KCNJ16: variants seen among roughly 807,000 people sequenced by gnomAD.
KCNJ16 encodes potassium inwardly rectifying channel subfamily J member 16, also known as inward rectifier potassium channel 16.
In KCNJ16, 15 loss-of-function variants were observed where a neutral mutation model predicts 18.5. That is an observed-to-expected ratio of 0.81 (90% CI 0.54 to 1.25). KCNJ16 has a LOEUF of 1.25. Among genes scored for constraint, KCNJ16 ranks in the 50% most tolerant of loss-of-function variants. The probability of loss-of-function intolerance (pLI) is 0.00; values close to 1 mark genes in which losing one functional copy is unlikely to be tolerated. For synonymous variants in KCNJ16, 174 were observed against 186.5 expected, an observed-to-expected ratio of 0.93 and a Z score of 0.55; for missense variants, 523 against 525.7, an observed-to-expected ratio of 0.99 and a Z score of 0.05.
intron 1 of KCNJ16, among the ~76,000 whole-genome samples, chr17:70,095,870 C>CTTTT (rs147216245): frequency 1.0e-5 from 1 of 95,388 alleles, no homozygotes; most frequent in Non-Finnish European, 2.0e-5. Context: ...TTACTTAATC[C>CTTTT]TTTTTTTTTT....
intron 1 of KCNJ16, among the ~76,000 whole-genome samples, chr17:70,098,066 T>C (rs1012051286): frequency 6.6e-6 from 1 of 152,204 alleles, no homozygotes; most frequent in Non-Finnish European, 1.5e-5. Context: ...AATTACCAGA[T>C]GCTGCTTACC....
chr17:70,083,223 G>C (rs907775793), intron 1 of KCNJ16, among the ~76,000 whole-genome samples: 3 of 148,382 alleles, frequency 2.0e-5, no homozygotes, highest in African/African-American at 7.4e-5. Flanking sequence ...AATATGTAAA[G>C]AGATATATAT....
At chr17:70,090,433 G>A (rs2072031392) in intron 1 of KCNJ16, among the ~76,000 whole-genome samples, 1 of 152,148 alleles carries the variant, frequency 6.6e-6, no homozygotes, top group Non-Finnish European at 1.5e-5. Flanking sequence ...TATTTTCCCA[G>A]GTACTTTTCT....
At chr17:70,077,309 T>C (rs549350948) in intron 1 of KCNJ16, among the ~76,000 whole-genome samples, 31 of 151,776 alleles carry the variant, frequency 2.0e-4, no homozygotes, top group Non-Finnish European at 4.0e-4. Flanking sequence ...TTTAGATAAG[T>C]GGAGAGACAG....
intron 1 of KCNJ16, among the ~76,000 whole-genome samples, chr17:70,096,371 T>A (rs1319146924): frequency 2.0e-5 from 3 of 152,330 alleles, no homozygotes; most frequent in African/African-American, 7.2e-5. Flanking sequence ...GAGAAATATG[T>A]GGTCTCTCAT....
chr17:70,088,007 G>A (rs1475891881), intron 1 of KCNJ16, among the ~76,000 whole-genome samples: 1 of 92,854 alleles, frequency 1.1e-5, no homozygotes, highest in African/African-American at 4.5e-5. Flanking sequence ...GGGCGACAGA[G>A]CAAGACTCTG....
chr17:70,100,478 C>T (rs1308596747), intron 1 of KCNJ16, among the ~76,000 whole-genome samples, 180 bp from the exon 2 acceptor site: 1 of 152,090 alleles, frequency 6.6e-6, no homozygotes, highest in African/African-American at 2.4e-5. Flanking sequence ...TTTCACCACC[C>T]GAAAAACATT....
chr17:70,087,206 C>T (rs1331436498), intron 1 of KCNJ16, among the ~76,000 whole-genome samples: 1 of 151,900 alleles, frequency 6.6e-6, no homozygotes, highest in Non-Finnish European at 1.5e-5. Flanking sequence ...TAAAACAACT[C>T]TGTGAGAGTA....
At chr17:70,085,170 G>T (rs553022323) in intron 1 of KCNJ16, among the ~76,000 whole-genome samples, 3 of 152,062 alleles carry the variant, frequency 2.0e-5, no homozygotes, top group Non-Finnish European at 2.9e-5. Flanking sequence ...TGAATCTTTC[G>T]TGGACCATAT....
intron 1 of KCNJ16, among the ~76,000 whole-genome samples, chr17:70,077,646 C>T (rs1479444982): frequency 6.7e-6 from 1 of 150,224 alleles, no homozygotes; most frequent in Non-Finnish European, 1.5e-5. Context: ...AAGTCTTTCT[C>T]CAAATGCCTC....
At chr17:70,088,175 CT>C (rs1306097857) in intron 1 of KCNJ16, among the ~76,000 whole-genome samples, 1 of 152,116 alleles carries the variant, frequency 6.6e-6, no homozygotes, top group Admixed American at 6.5e-5. Flanking sequence ...GTTTCCAACC[CT>C]TTTGGCACCA....
intron 1 of KCNJ16, among the ~76,000 whole-genome samples, chr17:70,080,133 A>G (rs578006013): frequency 6.6e-6 from 1 of 152,272 alleles, no homozygotes; most frequent in South Asian, 2.1e-4. Context: ...TTCTAATGAC[A>G]TTGCTTCCTC....
rs778328070 is a variant in KCNJ16 at position 70,132,783 on chromosome 17, G to C, written c.696G>C (p.Thr232=). 6.2e-7 allele frequency: 1 copy of C among 1,613,960 alleles called. No homozygotes were observed. Among genetic ancestry groups the C allele is most frequent in the Admixed American group, 1.7e-5 (1 of 60,024 alleles). The part of the protein sequence containing the change: ...RYTEDSEGRM[T]MAFKDLKLVN... Reference sequence around the variant, plus strand: ...CAGAAGACAGTGAAGGGAGGATGACGATGGCATTTAAAGACCTCAAATTAG... The same window carrying C: ...CAGAAGACAGTGAAGGGAGGATGACCATGGCATTTAAAGACCTCAAATTAG... Residue 232 remains threonine (T), a synonymous_variant, in exon 4 of 4, where the codon ACG becomes ACC. Transcript: ENST00000392671.
At chr17:70,107,078 T>C (rs544265660) in intron 2 of KCNJ16, among the ~76,000 whole-genome samples, 2 of 152,184 alleles carry the variant, frequency 1.3e-5, no homozygotes, top group South Asian at 2.1e-4. Context: ...CAAAAACTAC[T>C]GACATTTATG....
intron 2 of KCNJ16, among the ~76,000 whole-genome samples, chr17:70,103,014 A>G (rs1454181703): frequency 6.6e-6 from 1 of 150,966 alleles, no homozygotes; most frequent in Non-Finnish European, 1.5e-5. Context: ...GGCTCACTGT[A>G]GCCTTGACCT....
chr17:70,077,746 T>C (rs113825317), intron 1 of KCNJ16, among the ~76,000 whole-genome samples: 6,460 of 151,794 alleles, frequency 0.043, 121 homozygotes, highest in Middle Eastern at 0.061. Flanking sequence ...CATCTCCAAA[T>C]GGCCCCTTTG....
At chr17:70,120,831 A>T (rs913222904) in intron 2 of KCNJ16, among the ~76,000 whole-genome samples, 4 of 152,186 alleles carry the variant, frequency 2.6e-5, no homozygotes, top group African/African-American at 9.6e-5. Context: ...GCAGGGATAG[A>T]TATCCAAACT....
intron 2 of KCNJ16, among the ~76,000 whole-genome samples, chr17:70,125,092 C>G (rs2073806089): frequency 6.6e-6 from 1 of 152,012 alleles, no homozygotes; most frequent in African/African-American, 2.4e-5. Flanking sequence ...ACAGCGGGAC[C>G]CTATCTCTAA....
At chr17:70,078,480 T>C (rs1003483628) in intron 1 of KCNJ16, among the ~76,000 whole-genome samples, 2 of 152,248 alleles carry the variant, frequency 1.3e-5, no homozygotes, top group Non-Finnish European at 2.9e-5. Context: ...TTGTATTTTG[T>C]AAGATTTGCT....
Sources: gnomAD v4.1 joint callset for allele counts (sites outside exome capture counted in the v4.1 genomes callset) on GRCh38, gnomAD v4.1.1 for gene constraint, MANE v1.5 for transcripts, NCBI Gene and HGNC (gene_info 2026-07-23, HGNC 2026-07-21) for gene names.